Variants in MACROD2 observed in about 807,000 individuals in gnomAD.
The protein encoded by MACROD2 is mono-ADP ribosylhydrolase 2, also known as ADP-ribose glycohydrolase MACROD2.
In MACROD2, 36 loss-of-function variants were observed where a neutral mutation model predicts 70.4. The ratio of observed to expected loss-of-function variants is 0.51; its 90% confidence interval spans 0.39 to 0.68. The LOEUF (loss-of-function observed/expected upper bound fraction) is 0.68. Ranked by LOEUF, MACROD2 falls within the 30% of genes least tolerant of loss-of-function variation. The pLI is 0.00. For synonymous variants in MACROD2, 172 were observed against 178.8 expected (o/e 0.96, Z 0.30); for missense variants, 496 against 538.4 (o/e 0.92, Z 0.78).
chr20:15,944,624 CT>C (rs2065796177), intron 12 of MACROD2, among the ~76,000 whole-genome samples: 1 of 152,026 alleles, frequency 6.6e-6, no homozygotes, highest in Admixed American at 6.6e-5. Flanking sequence ...CAGAAACATC[CT>C]TTTAACTTTG....
intron 5 of MACROD2, among the ~76,000 whole-genome samples, chr20:14,988,979 C>T (rs1040407057): frequency 6.6e-5 from 10 of 151,798 alleles, no homozygotes; most frequent in Non-Finnish European, 1.3e-4. Context: ...AAAGAAGAAA[C>T]ACAGGTAAGA....
intron 8 of MACROD2, among the ~76,000 whole-genome samples, chr20:15,769,233 C>G (rs1253577026): frequency 6.6e-6 from 1 of 152,146 alleles, no homozygotes; most frequent in Non-Finnish European, 1.5e-5. Flanking sequence ...CTGCAACTTC[C>G]GCCTCCCGGG....
chr20:15,021,069 CAT>C (rs1491578468), intron 5 of MACROD2, among the ~76,000 whole-genome samples: 6 of 138,846 alleles, frequency 4.3e-5, no homozygotes, highest in African/African-American at 1.3e-4. Flanking sequence ...TATGTATACA[CAT>C]GTGTGTATGT....
chr20:15,611,432 C>T (rs1230599895), intron 8 of MACROD2, among the ~76,000 whole-genome samples: 5 of 152,070 alleles, frequency 3.3e-5, no homozygotes, highest in African/African-American at 1.2e-4. Flanking sequence ...ATGCTCTGGC[C>T]ATTTTTTATA....
intron 3 of MACROD2, among the ~76,000 whole-genome samples, chr20:14,268,444 G>A (rs1056209015): frequency 6.6e-6 from 1 of 152,070 alleles, no homozygotes; most frequent in African/African-American, 2.4e-5. Flanking sequence ...GTGCAGTTGT[G>A]TCATATTATG....
intron 5 of MACROD2, among the ~76,000 whole-genome samples, chr20:14,849,092 C>G (rs112047795): frequency 6.6e-6 from 1 of 152,182 alleles, no homozygotes; most frequent in Non-Finnish European, 1.5e-5. Context: ...TTAGCTGACT[C>G]TCTTCTGGTC....
chr20:15,782,541 A>G (rs1421939041), intron 8 of MACROD2, among the ~76,000 whole-genome samples: 4 of 151,918 alleles, frequency 2.6e-5, no homozygotes, highest in Non-Finnish European at 5.9e-5. Flanking sequence ...CCTGGACAAC[A>G]TGGCAGCTGG....
rs561650215 is a variant in MACROD2, at chr20:14,498,723, G to A, written c.301+5215G>A. On this transcript the variant is annotated intron_variant, in intron 4 of 17. Coordinates refer to ENST00000684519, the MANE Select transcript of MACROD2 (RefSeq NM_001351661.2). ...TGCTACCTGGAATTCCTAATGTGAA[G>A]AGCAATGTGTTTAAAGGGCTTTTTG... Among the ~76,000 whole-genome samples, 17 of 152,308 alleles carry A rather than the reference G, an allele frequency of 1.1e-4. No individual in the cohort carries two copies. In the East Asian group the frequency reaches 3.3e-3, roughly 29 times the overall value.
intron 8 of MACROD2, among the ~76,000 whole-genome samples, chr20:15,523,014 T>G (rs2047673844): frequency 1.3e-5 from 2 of 151,948 alleles, no homozygotes; most frequent in Admixed American, 1.3e-4. Context: ...CAATTACAAG[T>G]TAAACTGGGG....
At chr20:14,621,750 T>G (rs1983839582) in intron 4 of MACROD2, 1 of 152,284 alleles carries the variant, frequency 6.6e-6, no homozygotes, top group South Asian at 2.1e-4. Context: ...CAAATTAATT[T>G]TTATTTGTTT....
chr20:15,386,117 G>T (rs909768065), intron 6 of MACROD2, among the ~76,000 whole-genome samples: 1 of 152,126 alleles, frequency 6.6e-6, no homozygotes, highest in Non-Finnish European at 1.5e-5. Context: ...CAGAAAAGCA[G>T]CCATGAAGTG....
rs540523123 is a variant in MACROD2 at position 14,028,410 on chromosome 20, C to T, written c.163+26006C>T. Among the ~76,000 whole-genome samples the T allele has an allele frequency of 7.2e-5, 11 of 152,262 alleles. No homozygotes were observed. In the East Asian group the frequency reaches 2.1e-3, roughly 29 times the overall value. The stretch of plus-strand genomic sequence containing the variant: ...GACCACTTGGTTCCCTGGCTTCAGC[C>T]CCCTTTCCAGGGGAATGAACAGTAC... On this transcript the variant is annotated intron_variant, in intron 2 of 17. Coordinates refer to ENST00000684519, the MANE Select transcript of MACROD2 (RefSeq NM_001351661.2).
intron 8 of MACROD2, among the ~76,000 whole-genome samples, chr20:15,587,994 A>C (rs2048625825): frequency 6.6e-6 from 1 of 152,050 alleles, no homozygotes; most frequent in Non-Finnish European, 1.5e-5. Flanking sequence ...GGGGGCTTCA[A>C]CCCCACATTT....
intron 4 of MACROD2, among the ~76,000 whole-genome samples, chr20:14,518,055 T>C (rs1329442074): frequency 2.0e-5 from 3 of 152,156 alleles, no homozygotes; most frequent in Non-Finnish European, 4.4e-5. Context: ...CTGGAAAACA[T>C]TGACGTTGTA....
rs139606953 is a variant in MACROD2, at chr20:15,086,402, G to A, written c.419-143538G>A. ...AGAGCCGTGATTATGAACTAAGTAG[G>A]GAAGAAGGAGGAATATCAGAATCAA... On this transcript the variant is annotated intron_variant, in intron 5 of 17. Transcript: ENST00000684519. 5.4e-3 allele frequency among the ~76,000 whole-genome samples: 826 copies of A among 152,196 alleles called. 5 individuals carry two copies. Among genetic ancestry groups the A allele is most frequent in the Non-Finnish European group, 8.1e-3 (550 of 68,012 alleles).
At chr20:15,669,225 C>G (rs569004144) in intron 8 of MACROD2, among the ~76,000 whole-genome samples, 2 of 152,192 alleles carry the variant, frequency 1.3e-5, no homozygotes, top group South Asian at 4.1e-4. Flanking sequence ...ATAATTACCA[C>G]TGATTTGTTG....
rs191718047 is a variant in MACROD2 at position 15,194,459 on chromosome 20, C to G, written c.419-35481C>G. On this transcript the variant is annotated intron_variant, in intron 5 of 17. Transcript: ENST00000684519. ...TTTTAATCTTCTACTTTGAAAACTTCTAGACTTACAGAAGGGTTGTAAAAA... is the reference window on the plus strand; with the variant it reads ...TTTTAATCTTCTACTTTGAAAACTTGTAGACTTACAGAAGGGTTGTAAAAA... Among the ~76,000 whole-genome samples the G allele has an allele frequency of 9.2e-5, 14 of 152,058 alleles. No homozygotes were observed. In the East Asian group the frequency reaches 2.7e-3, roughly 29 times the overall value.
Position 15,005,394 on chromosome 20 carries a change from G to A in MACROD2, c.419-224546G>A, listed in dbSNP as rs185798242. ...GTGTCCTCTGTACAGACTTGTTCAA[G>A]TGGGAGTTCATAAGTGCAAGAACAG... On this transcript the variant is annotated intron_variant, in intron 5 of 17. Coordinates refer to ENST00000684519, the MANE Select transcript of MACROD2 (RefSeq NM_001351661.2). Among the ~76,000 whole-genome samples, 59 of 152,290 alleles carry A rather than the reference G, an allele frequency of 3.9e-4. 1 individual carries two copies. The South Asian group carries it at 0.012, about 32-fold the overall frequency.
chr20:15,197,700 T>A (rs1022162637), intron 5 of MACROD2, among the ~76,000 whole-genome samples: 1 of 152,152 alleles, frequency 6.6e-6, no homozygotes, highest in East Asian at 1.9e-4. Flanking sequence ...CTTTATTTTA[T>A]TTTACTTTAT....
Sources: gnomAD v4.1 joint callset for allele counts (sites outside exome capture counted in the v4.1 genomes callset) on GRCh38, gnomAD v4.1.1 for gene constraint, MANE v1.5 for transcripts, NCBI Gene and HGNC (gene_info 2026-07-23, HGNC 2026-07-21) for gene names.